The following FRMPD4 variants were observed in gnomAD, a reference collection of about 807,000 sequenced individuals.
The protein encoded by FRMPD4 is FERM and PDZ domain containing 4.
FRMPD4 carries 22 observed loss-of-function variants against 94.1 expected under a neutral mutation model. The ratio of observed to expected loss-of-function variants is 0.23; its 90% CI spans 0.17 to 0.33. The LOEUF is 0.33. FRMPD4 is among the 10% of genes least tolerant of loss of function. FRMPD4 has a pLI of 1.00. For missense variants in FRMPD4, 1,111 were observed against 1,339.9 expected (o/e 0.83, Z 2.67); for synonymous variants, 631 against 548.6 (o/e 1.15, Z -2.10).
intron 4 of FRMPD4, among the ~76,000 whole-genome samples, chrX:12,661,160 C>A (rs893365602): frequency 1.8e-5 from 2 of 111,889 alleles, no homozygotes; most frequent in African/African-American, 6.5e-5. Flanking sequence ...CAAGATTAGT[C>A]CAGATTCAAG....
At chrX:12,524,965 T>C (rs149093089) in intron 2 of FRMPD4, among the ~76,000 whole-genome samples, 1,315 of 111,503 alleles carry the variant, frequency 0.012, 10 homozygotes, top group Middle Eastern at 0.046. Context: ...TCTTTTTTTG[T>C]TTTGTTTTTA....
intron 2 of FRMPD4, among the ~76,000 whole-genome samples, chrX:12,556,904 G>A (rs150270807): frequency 8.9e-6 from 1 of 111,780 alleles, no homozygotes; most frequent in African/African-American, 3.3e-5. Context: ...GAGTACAGTG[G>A]CGTGATCATG....
intron 3 of FRMPD4, among the ~76,000 whole-genome samples, chrX:11,979,471 G>A (rs975854798): frequency 8.9e-6 from 1 of 112,108 alleles, no homozygotes; most frequent in African/African-American, 3.2e-5. Context: ...CCAAGTAGCG[G>A]TGTTCATTTC....
At chrX:12,430,302 C>A (rs911127860) in intron 1 of FRMPD4, among the ~76,000 whole-genome samples, 1 of 112,346 alleles carries the variant, frequency 8.9e-6, no homozygotes, top group African/African-American at 3.2e-5. Flanking sequence ...AAAACCCTTA[C>A]TGAATGTGAC....
chrX:12,469,275 A>G (rs1393401677), intron 1 of FRMPD4, among the ~76,000 whole-genome samples: 2 of 111,079 alleles, frequency 1.8e-5, no homozygotes, highest in Non-Finnish European at 3.8e-5. Flanking sequence ...TTTTTGAGAC[A>G]GAGTCTCACT....
chrX:12,456,574 A>T (rs746157061), intron 1 of FRMPD4, among the ~76,000 whole-genome samples: 2 of 112,107 alleles, frequency 1.8e-5, no homozygotes, highest in South Asian at 7.5e-4. Context: ...AAATCACCAC[A>T]GATACCTTCT....
chrX:12,557,984 G>T (rs887024938), intron 2 of FRMPD4, among the ~76,000 whole-genome samples: 3 of 112,396 alleles, frequency 2.7e-5, no homozygotes, highest in African/African-American at 9.7e-5. Flanking sequence ...TGAGACAACA[G>T]ATTCAGAGAG....
chrX:12,015,082 A>T (rs2054598637), intron 3 of FRMPD4, among the ~76,000 whole-genome samples: 1 of 111,744 alleles, frequency 8.9e-6, no homozygotes, highest in African/African-American at 3.3e-5. Flanking sequence ...TTGGATTTTG[A>T]AAAAAGCAAC....
chrX:11,838,291 T>C (rs2053513351), intron 1 of FRMPD4, among the ~76,000 whole-genome samples: 1 of 111,139 alleles, frequency 9.0e-6, no homozygotes, highest in Non-Finnish European at 1.9e-5. Flanking sequence ...TTCGGTTCAG[T>C]ACAATTCATG....
chrX:12,560,116 T>C (rs1341559576), intron 2 of FRMPD4, among the ~76,000 whole-genome samples: 1 of 112,171 alleles, frequency 8.9e-6, no homozygotes, highest in Non-Finnish European at 1.9e-5. Context: ...TTAGACATTA[T>C]ATACACAGTT....
intron 3 of FRMPD4, among the ~76,000 whole-genome samples, chrX:12,123,434 G>A (rs1434631178): frequency 9.0e-6 from 1 of 111,437 alleles, no homozygotes; most frequent in Non-Finnish European, 1.9e-5. Context: ...CACTGCACCT[G>A]GCCTTGATTT....
chrX:12,521,956 C>T (rs113455282), intron 2 of FRMPD4, among the ~76,000 whole-genome samples: 4,759 of 110,000 alleles, frequency 0.043, 242 homozygotes, highest in African/African-American at 0.14. Flanking sequence ...ACTGGAATAC[C>T]CATGGGGCTA....
intron 3 of FRMPD4, among the ~76,000 whole-genome samples, chrX:11,948,174 T>C (rs961336447): frequency 9.1e-6 from 1 of 110,055 alleles, no homozygotes; most frequent in Non-Finnish European, 1.9e-5. Flanking sequence ...ATTTTCAAAC[T>C]GGGCTTTACT....
intron 2 of FRMPD4, among the ~76,000 whole-genome samples, chrX:11,877,595 C>G (rs1263746805): frequency 8.9e-6 from 1 of 111,979 alleles, no homozygotes; most frequent in Non-Finnish European, 1.9e-5. Context: ...CATGTCAGAC[C>G]TAATTGCTGT....
chrX:12,719,737 C>T (rs1215306247), intron 16 of FRMPD4, among the ~76,000 whole-genome samples: 1 of 111,400 alleles, frequency 9.0e-6, no homozygotes, highest in African/African-American at 3.3e-5. Flanking sequence ...AACTAAGTCA[C>T]ACTGTTTAAT....
At chrX:12,446,409 C>T (rs755970253) in intron 1 of FRMPD4, among the ~76,000 whole-genome samples, 7 of 111,828 alleles carry the variant, frequency 6.3e-5, no homozygotes, top group African/African-American at 2.3e-4. Context: ...TTAGAGCACA[C>T]ATTTTGGGGC....
At position 12,721,788 on chromosome X, in the gene FRMPD4, G is replaced by A. The variant is rs2042245540; in HGVS notation, c.5219G>A (p.Arg1740Gln). Residue 1740 changes from arginine (R) to glutamine (Q), a missense_variant, in exon 17 of 17, where the codon CGA becomes CAA. Coordinates refer to ENST00000675598, the MANE Select transcript of FRMPD4 (RefSeq NM_001368397.1). ...PGDPNVGLSA[R>Q]HSTTMAALVS... ...GACCCTAATGTTGGACTCTCGGCGC[G>A]ACACTCAACCACCATGGCCGCTCTC... The A allele has an allele frequency of 1.3e-6, 1 of 751,041 alleles. No homozygotes were observed. Among genetic ancestry groups the A allele is most frequent in the Admixed American group, 8.9e-5 (1 of 11,286 alleles). 61.9% of individuals were successfully genotyped at this position (751,041 alleles called of 1,213,427 possible). A position where few individuals can be genotyped will look rare whatever the true frequency, so the allele number is the denominator to read the frequency against.
At chrX:12,160,068 GGTGTGTGTGT>G (rs757966489) in intron 1 of FRMPD4, among the ~76,000 whole-genome samples, 7 of 100,049 alleles carry the variant, frequency 7.0e-5, no homozygotes, top group East Asian at 3.1e-4. Context: ...GATGTTGAGG[GGTGTGTGTGT>G]GTGTGTGTGT....
intron 3 of FRMPD4, among the ~76,000 whole-genome samples, chrX:12,030,666 A>C (rs1337471825): frequency 8.9e-6 from 1 of 112,239 alleles, no homozygotes; most frequent in African/African-American, 3.2e-5. Context: ...ATTGTTAGAG[A>C]AGACACTGTC....
Sources: allele counts gnomAD v4.1 joint callset (sites outside exome capture counted in the v4.1 genomes callset), GRCh38; gene constraint gnomAD v4.1.1; transcripts MANE v1.5; gene names NCBI Gene and HGNC (gene_info 2026-07-23, HGNC 2026-07-21).